ENAH: variants seen among roughly 807,000 people sequenced by gnomAD.
ENAH encodes the protein protein enabled homolog.
ENAH carries 23 observed loss-of-function variants against 78.7 expected under a neutral mutation model. The observed-to-expected ratio is 0.29, with a 90% CI of 0.21 to 0.41. The LOEUF is 0.41. Among genes scored for constraint, ENAH ranks in the 10% least tolerant of loss-of-function variants. The pLI is 1.00. For synonymous variants in ENAH, 226 were observed against 241.0 expected, an observed-to-expected ratio of 0.94 and a Z score of 0.58; for missense variants, 544 against 691.0, an observed-to-expected ratio of 0.79 and a Z score of 2.39.
intron 1 of ENAH, among the ~76,000 whole-genome samples, chr1:225,572,042 G>A (rs2096765535): frequency 1.3e-5 from 2 of 152,174 alleles, no homozygotes; most frequent in African/African-American, 4.8e-5. Flanking sequence ...TGGCTAAGCA[G>A]ATGTGGGTAG....
At chr1:225,549,956 A>C (rs931145163) in intron 3 of ENAH, among the ~76,000 whole-genome samples, 8 of 152,166 alleles carry the variant, frequency 5.3e-5, no homozygotes, top group Non-Finnish European at 1.2e-4. Context: ...TAAAGCACAA[A>C]CTTGATCATA....
intron 11 of ENAH, 48 bp downstream of exon 11, chr1:225,507,903 T>G: frequency 1.5e-6 from 2 of 1,365,890 alleles, no homozygotes; most frequent in South Asian, 2.8e-5. Flanking sequence ...ATGCATTAAT[T>G]TTTTTTTATA....
At chr1:225,514,217 A>G (rs1373310841) in intron 7 of ENAH, among the ~76,000 whole-genome samples, 1 of 151,982 alleles carries the variant, frequency 6.6e-6, no homozygotes, top group African/African-American at 2.4e-5. Context: ...CCCAGGCTAG[A>G]GCGCAGTGGC....
At chr1:225,650,531 C>G (rs939295858) in intron 1 of ENAH, among the ~76,000 whole-genome samples, 5 of 152,086 alleles carry the variant, frequency 3.3e-5, no homozygotes, top group Non-Finnish European at 7.4e-5. Context: ...TTGAATTAGA[C>G]AACTATTCCT....
intron 1 of ENAH, among the ~76,000 whole-genome samples, chr1:225,608,738 C>G (rs1411182291): frequency 4.7e-5 from 7 of 148,854 alleles, no homozygotes; most frequent in African/African-American, 7.6e-5. Context: ...ATCGCTTGAA[C>G]CCGGGAGGCG....
intron 4 of ENAH, among the ~76,000 whole-genome samples, chr1:225,520,309 A>G (rs1001498200): frequency 4.6e-5 from 7 of 151,506 alleles, no homozygotes; most frequent in Admixed American, 2.6e-4. Flanking sequence ...AAAAAAAAAA[A>G]GTTTACTGAA....
At chr1:225,596,341 G>A (rs146463512) in intron 1 of ENAH, among the ~76,000 whole-genome samples, 9 of 152,258 alleles carry the variant, frequency 5.9e-5, no homozygotes, top group East Asian at 1.9e-4. Context: ...ATCCTTCTAC[G>A]AGTCAGAACT....
intron 3 of ENAH, among the ~76,000 whole-genome samples, chr1:225,554,494 T>C (rs2096656719): frequency 6.6e-6 from 1 of 152,172 alleles, no homozygotes; most frequent in Admixed American, 6.5e-5. Context: ...TTCAAGTCCA[T>C]GCTTTGAAAA....
chr1:225,497,854 AAAGT>A, intron 13 of ENAH, 42 bp from the exon 14 acceptor site: 1 of 1,555,100 alleles, frequency 6.4e-7, no homozygotes, highest in Non-Finnish European at 8.8e-7. Flanking sequence ...ATATAATGAT[AAAGT>A]AAGATAAATG....
intron 1 of ENAH, among the ~76,000 whole-genome samples, chr1:225,620,302 T>A (rs897726720): frequency 4.0e-5 from 6 of 150,782 alleles, no homozygotes; most frequent in African/African-American, 1.5e-4. Flanking sequence ...CCGCGGCAGG[T>A]AGATCACAAG....
chr1:225,624,180 A>G (rs1013452743), intron 1 of ENAH, among the ~76,000 whole-genome samples: 3 of 152,162 alleles, frequency 2.0e-5, no homozygotes, highest in East Asian at 1.9e-4. Context: ...GCTGATGTCT[A>G]TAATTCCAGC....
intron 1 of ENAH, among the ~76,000 whole-genome samples, chr1:225,643,698 G>A (rs920789888): frequency 6.6e-6 from 1 of 152,192 alleles, no homozygotes; most frequent in African/African-American, 2.4e-5. Flanking sequence ...TGCTTTGGGA[G>A]GCTGAAGTGG....
At chr1:225,576,159 C>T (rs1208205567) in intron 1 of ENAH, among the ~76,000 whole-genome samples, 1 of 151,410 alleles carries the variant, frequency 6.6e-6, no homozygotes, top group African/African-American at 2.4e-5. Flanking sequence ...TGCCTGTAGT[C>T]TTAAGTACTT....
Position 225,651,351 on chromosome 1 carries a change from A to AAT in ENAH, c.5+1333_5+1334dup, listed in dbSNP as rs199884730. Among the ~76,000 whole-genome samples the AAT allele has an allele frequency of 1.7e-3, 259 of 152,152 alleles. 1 individual carries two copies. The highest frequency in any genetic ancestry group is 5.8e-3 in the African/African-American group (239 of 41,524). On this transcript the variant is annotated intron_variant, in intron 1 of 13. Coordinates refer to ENST00000366843, the MANE Select transcript of ENAH (RefSeq NM_018212.6). ...TAAAAATTCAACAAAGATATATCAC[A>AAT]ATATATATATAAAAGCAAAATGGAA... is the stretch of plus-strand genomic sequence containing the variant.
intron 1 of ENAH, among the ~76,000 whole-genome samples, chr1:225,600,412 GTTTAATGGGAA>G (rs1341019703): frequency 2.0e-5 from 3 of 152,062 alleles, no homozygotes; most frequent in Non-Finnish European, 4.4e-5. Flanking sequence ...CTAAAGTAAT[GTTTAATGGGAA>G]ATTTATAGTT....
chr1:225,517,260 G>C lies in ENAH; in HGVS notation c.849C>G (p.Asp283Glu). The C allele has an allele frequency of 6.4e-7, 1 of 1,551,678 alleles. No homozygotes were observed. The highest frequency in any genetic ancestry group is 8.7e-7 in the Non-Finnish European group (1 of 1,147,056). Reference protein sequence around the residue: ...VETPLNSVLGDSSASEPGLQA... With the variant: ...VETPLNSVLGESSASEPGLQA... ...GCAAGCCTGGCTCAGAAGCAGAAGAGTCTCCCAGCACAGAGTTTAGAGGAG... is the reference window on the plus strand; with the variant it reads ...GCAAGCCTGGCTCAGAAGCAGAAGACTCTCCCAGCACAGAGTTTAGAGGAG... Residue 283 changes from aspartate to glutamate, a missense_variant, in exon 6 of 14, where the codon GAC (aspartate) becomes GAG (glutamate). Asp to Glu is a conservative substitution (Grantham distance 45, BLOSUM62 2). This residue lies in a region of ENAH where 366 missense variants were observed against 396.1 expected (regional missense o/e 0.92). Coordinates refer to ENST00000366843, the MANE Select transcript of ENAH (RefSeq NM_018212.6).
chr1:225,611,639 T>A (rs2096990073), intron 1 of ENAH, among the ~76,000 whole-genome samples: 1 of 152,086 alleles, frequency 6.6e-6, no homozygotes, highest in Non-Finnish European at 1.5e-5. Context: ...ATTTTTTAAT[T>A]AGCCAGGTGT....
chr1:225,595,825 T>C (rs2096899385), intron 1 of ENAH, among the ~76,000 whole-genome samples: 1 of 152,220 alleles, frequency 6.6e-6, no homozygotes, highest in African/African-American at 2.4e-5. Context: ...AGGAGTAACT[T>C]AGCAGAAGGC....
intron 1 of ENAH, among the ~76,000 whole-genome samples, chr1:225,577,002 G>A (rs1277908311): frequency 1.3e-5 from 2 of 152,102 alleles, no homozygotes; most frequent in Non-Finnish European, 2.9e-5. Flanking sequence ...GGGCAGGGTG[G>A]CAGGCACGTG....
Sources: allele counts gnomAD v4.1 joint callset (sites outside exome capture counted in the v4.1 genomes callset), GRCh38; gene constraint gnomAD v4.1.1; regional missense constraint gnomAD v4.1.1; transcripts MANE v1.5; gene names NCBI Gene and HGNC (gene_info 2026-07-23, HGNC 2026-07-21).